The following CDK14 variants were observed in gnomAD, a reference collection of about 807,000 sequenced individuals.
CDK14 encodes cyclin dependent kinase 14, also known as cyclin-dependent kinase 14.
Under a neutral mutation model 60.7 loss-of-function variants are expected in CDK14, and 34 were observed. That is an observed-to-expected ratio of 0.56 (90% CI 0.43 to 0.75). The LOEUF (loss-of-function observed/expected upper bound fraction) is 0.75, where lower values mean the gene tolerates loss of function less well. Among genes scored for constraint, CDK14 ranks in the 30% least tolerant of loss-of-function variants. The pLI is 0.00. For missense variants in CDK14, 482 were observed against 564.1 expected (o/e 0.85, Z 1.47); for synonymous variants, 197 against 203.7 (o/e 0.97, Z 0.28).
At chr7:90,723,783 GTGTGACAT>G (rs1227787131) in intron 2 of CDK14, among the ~76,000 whole-genome samples, 7 of 152,170 alleles carry the variant, frequency 4.6e-5, no homozygotes, top group Non-Finnish European at 8.8e-5. Flanking sequence ...CGTGGGATTA[GTGTGACAT>G]TGTCATGGTT....
intron 2 of CDK14, among the ~76,000 whole-genome samples, chr7:90,700,414 A>G (rs1801758001): frequency 6.6e-6 from 1 of 152,114 alleles, no homozygotes; most frequent in Non-Finnish European, 1.5e-5. Context: ...TCTTTGAACC[A>G]TATGTTCAAA....
intron 2 of CDK14, among the ~76,000 whole-genome samples, chr7:90,631,169 C>A (rs936918343): frequency 6.6e-6 from 1 of 152,004 alleles, no homozygotes; most frequent in Admixed American, 6.6e-5. Flanking sequence ...CATAACTTTT[C>A]TGAATTTGTT....
chr7:91,201,900 C>T (rs1271394466), intron 14 of CDK14, among the ~76,000 whole-genome samples: 1 of 152,204 alleles, frequency 6.6e-6, no homozygotes, highest in East Asian at 1.9e-4. Context: ...AATACATTTT[C>T]CCCAAAGGCT....
chr7:91,171,749 C>T (rs540857796), intron 14 of CDK14, among the ~76,000 whole-genome samples: 9 of 152,180 alleles, frequency 5.9e-5, no homozygotes, highest in South Asian at 4.2e-4. Context: ...TGGATTCAAG[C>T]GATTCTTCTG....
chr7:90,713,822 T>A lies in CDK14; in HGVS notation c.124-12745T>A, dbSNP rs144304504. On this transcript the variant is annotated intron_variant, in intron 2 of 14. Coordinates refer to ENST00000380050, the MANE Select transcript of CDK14 (RefSeq NM_001287135.2). ...AATCAATCCCATCTCCTGTGTTTAT[T>A]TTCTGTGTGGCCTTGGACATGTTAC... Among the ~76,000 whole-genome samples the A allele has an allele frequency of 4.6e-3, 705 of 152,212 alleles. 2 individuals are homozygous for A. Among genetic ancestry groups the A allele is most frequent in the African/African-American group, 0.015 (638 of 41,540 alleles).
At chr7:90,621,372 AT>A (rs1584746796) in intron 2 of CDK14, among the ~76,000 whole-genome samples, 2 of 152,224 alleles carry the variant, frequency 1.3e-5, no homozygotes, top group East Asian at 3.8e-4. Flanking sequence ...CATTGTAGAC[AT>A]CACAGTCTTG....
At chr7:90,720,923 A>G (rs554060309) in intron 2 of CDK14, among the ~76,000 whole-genome samples, 10 of 152,126 alleles carry the variant, frequency 6.6e-5, no homozygotes, top group Non-Finnish European at 1.5e-4. Flanking sequence ...TCAGAGATTC[A>G]CATCTGAGTC....
chr7:90,633,948 T>C (rs571599803), intron 2 of CDK14, among the ~76,000 whole-genome samples: 1 of 152,298 alleles, frequency 6.6e-6, no homozygotes, highest in Admixed American at 6.5e-5. Context: ...TTTGTTAAAA[T>C]ATTTTAAAAG....
chr7:90,717,061 T>C (rs1318261387), intron 2 of CDK14, among the ~76,000 whole-genome samples: 3 of 152,050 alleles, frequency 2.0e-5, no homozygotes, highest in Non-Finnish European at 4.4e-5. Flanking sequence ...GAAAAACTTA[T>C]ACAGACAACT....
At chr7:90,767,244 G>T (rs1214044645) in intron 4 of CDK14, among the ~76,000 whole-genome samples, 1 of 152,182 alleles carries the variant, frequency 6.6e-6, no homozygotes, top group Non-Finnish European at 1.5e-5. Flanking sequence ...AACTCACTGA[G>T]TCATGCAGGC....
chr7:90,936,934 A>T (rs77397403), intron 8 of CDK14, among the ~76,000 whole-genome samples: 7,258 of 151,974 alleles, frequency 0.048, 188 homozygotes, highest in South Asian at 0.077. Context: ...TTTTAATTAG[A>T]TGGGCGTGGT....
intron 3 of CDK14, among the ~76,000 whole-genome samples, chr7:90,746,643 T>C (rs1157776828): frequency 3.9e-5 from 6 of 152,240 alleles, no homozygotes; most frequent in African/African-American, 1.4e-4. Context: ...AGATCATGTC[T>C]TATTGAAATA....
chr7:90,768,487 C>T (rs187717230), intron 4 of CDK14, among the ~76,000 whole-genome samples: 5 of 152,262 alleles, frequency 3.3e-5, no homozygotes, highest in Admixed American at 6.5e-5. Context: ...CCTGTGTTTA[C>T]GTATGTCATT....
intron 9 of CDK14, among the ~76,000 whole-genome samples, chr7:90,962,982 T>A (rs1242052660): frequency 6.6e-6 from 1 of 152,036 alleles, no homozygotes; most frequent in Non-Finnish European, 1.5e-5. Context: ...AAGGGTGCTA[T>A]GGGATATATA....
chr7:90,939,050 T>G (rs1793835697), intron 8 of CDK14, among the ~76,000 whole-genome samples: 1 of 152,220 alleles, frequency 6.6e-6, no homozygotes, highest in Non-Finnish European at 1.5e-5. Context: ...TTTGCTCCTT[T>G]AACAAAATAT....
chr7:90,648,031 A>G (rs1170255638), intron 2 of CDK14, among the ~76,000 whole-genome samples: 1 of 152,188 alleles, frequency 6.6e-6, no homozygotes, highest in East Asian at 1.9e-4. Context: ...CTATTGCTGC[A>G]TAATAAATTA....
intron 2 of CDK14, among the ~76,000 whole-genome samples, chr7:90,617,322 AC>A (rs1799674868): frequency 6.6e-6 from 1 of 152,034 alleles, no homozygotes; most frequent in Admixed American, 6.6e-5. Context: ...CATCCAAACT[AC>A]GCTGCCTCCC....
At chr7:91,199,303 T>C (rs1451372003) in intron 14 of CDK14, among the ~76,000 whole-genome samples, 3 of 152,124 alleles carry the variant, frequency 2.0e-5, no homozygotes, top group Non-Finnish European at 4.4e-5. Context: ...TTAAAAATGA[T>C]ATATGTATAC....
intron 14 of CDK14, among the ~76,000 whole-genome samples, chr7:91,178,952 T>C (rs1451415594): frequency 1.3e-5 from 2 of 152,176 alleles, no homozygotes; most frequent in Non-Finnish European, 2.9e-5. Flanking sequence ...GCCATCCCAT[T>C]ACTGGGTATA....
Sources: allele counts gnomAD v4.1 joint callset (sites outside exome capture counted in the v4.1 genomes callset), GRCh38; gene constraint gnomAD v4.1.1; transcripts MANE v1.5; gene names NCBI Gene and HGNC (gene_info 2026-07-23, HGNC 2026-07-21).